INPP4B: variants seen among roughly 807,000 people sequenced by gnomAD.
The protein encoded by INPP4B is inositol polyphosphate-4-phosphatase type II B, also known as inositol polyphosphate 4-phosphatase type II.
Under a neutral mutation model 122.5 loss-of-function variants are expected in INPP4B, and 55 were observed. That is an observed-to-expected ratio of 0.45 (90% confidence interval 0.36 to 0.56). The LOEUF is 0.56. INPP4B is among the 20% of genes least tolerant of loss of function. INPP4B has a pLI of 0.00. For synonymous variants in INPP4B, 403 were observed against 388.7 expected, an observed-to-expected ratio of 1.04 and a Z score of -0.43; for missense variants, 1,000 against 1,097.7, an observed-to-expected ratio of 0.91 and a Z score of 1.26.
At chr4:142,842,952 A>C (rs1259172974) in intron 1 of INPP4B, among the ~76,000 whole-genome samples, 2 of 143,040 alleles carry the variant, frequency 1.4e-5, no homozygotes, top group Non-Finnish European at 3.0e-5. Context: ...ATAAATATAC[A>C]TATATAAATT....
chr4:142,270,577 C>T (rs1197287792), intron 10 of INPP4B, 86 bp downstream of exon 10: 3 of 896,092 alleles, frequency 3.3e-6, no homozygotes, highest in Non-Finnish European at 5.6e-6. Context: ...AGATTTCAAA[C>T]CCCACAGAGA....
At position 142,646,688 on chromosome 4, in the gene INPP4B, A is replaced by G. The variant is rs763814695; in HGVS notation, c.-191+79151T>C. Among the ~76,000 whole-genome samples, 4 of 152,230 alleles carry G rather than the reference A, an allele frequency of 2.6e-5. 1 individual carries two copies. Among genetic ancestry groups the G allele is most frequent in the Non-Finnish European group, 5.9e-5 (4 of 68,034 alleles). ...GCAGAACATGACAGGTTCAGGTAAC[A>G]GGAATTGCAACAAAGAAAAGTGCAA... On this transcript the variant is annotated intron_variant, in intron 2 of 25. Transcript: ENST00000262992.
At position 142,270,663 on chromosome 4, in the gene INPP4B, C is replaced by G; in HGVS notation, c.615G>C (p.Lys205Asn). Reference protein sequence around the residue: ...DHITTDVQGQKCALVCECTAP... With the variant: ...DHITTDVQGQNCALVCECTAP... The stretch of plus-strand genomic sequence containing the variant: ...TACAATGAGCAGACTGAGATCCTAC[C>G]TTTTGTCCCTGTACATCTGTGGTGA... The change falls in exon 10 of 26, where the codon AAG becomes AAC. Residue 205 changes from lysine to asparagine, a missense_variant and splice_region_variant. Transcript: ENST00000262992. The G allele has an allele frequency of 6.3e-7, 1 of 1,581,236 alleles. No homozygotes were observed.
At chr4:142,202,670 G>T in intron 14 of INPP4B, 2 of 907,286 alleles carry the variant, frequency 2.2e-6, no homozygotes, top group Non-Finnish European at 2.6e-6. Context: ...TGTTGGACCT[G>T]ATTTCACCTA....
At position 142,108,156 on chromosome 4, in the gene INPP4B, G is replaced by T; in HGVS notation, c.2311C>A (p.Gln771Lys). The change falls in exon 23 of 26, where the codon CAG becomes AAG. Residue 771 changes from glutamine to lysine, a missense_variant. Transcript: ENST00000262992. ...TCTTGTAGAAGTTCGAAGTTTTCCT[G>T]ATTAATACTTTCTTGCAAAGAGACA... ...GDVSLQESINQENFELLQEYY... is the reference protein window; with the variant it reads ...GDVSLQESINKENFELLQEYY... 6.2e-7 allele frequency: 1 copy of T among 1,600,410 alleles called. No individual in the cohort carries two copies. The highest frequency in any genetic ancestry group is 1.1e-5 in the South Asian group (1 of 90,454).
At chr4:142,644,997 G>A (rs955823091) in intron 2 of INPP4B, among the ~76,000 whole-genome samples, 1 of 151,064 alleles carries the variant, frequency 6.6e-6, no homozygotes, top group African/African-American at 2.4e-5. Flanking sequence ...AAAAGTACAT[G>A]TTAAGATCTG....
chr4:142,076,702 T>C (rs1199874940), intron 25 of INPP4B, among the ~76,000 whole-genome samples: 5 of 152,034 alleles, frequency 3.3e-5, no homozygotes, highest in African/African-American at 9.7e-5. Flanking sequence ...GTAACAAACC[T>C]GCACGTTGTG....
intron 1 of INPP4B, among the ~76,000 whole-genome samples, chr4:142,806,023 G>A (rs765136848): frequency 1.3e-4 from 20 of 152,118 alleles, no homozygotes; most frequent in Non-Finnish European, 2.8e-4. Flanking sequence ...GCTCACGCCT[G>A]TAATCCCAGA....
intron 14 of INPP4B, among the ~76,000 whole-genome samples, chr4:142,194,570 C>T (rs1261656018): frequency 1.3e-5 from 2 of 152,158 alleles, no homozygotes; most frequent in Non-Finnish European, 2.9e-5. Flanking sequence ...CTGAGGATCA[C>T]TACAAGCTAA....
intron 2 of INPP4B, chr4:142,654,491 G>T (rs1382355199): frequency 6.6e-6 from 1 of 151,760 alleles, no homozygotes; most frequent in Non-Finnish European, 1.5e-5. Flanking sequence ...TGATCTTAAG[G>T]ATAGTTACAA....
chr4:142,323,142 G>A lies in INPP4B; in HGVS notation c.373-8380C>T, dbSNP rs536202523. 5.3e-5 allele frequency among the ~76,000 whole-genome samples: 8 copies of A among 152,230 alleles called. No individual in the cohort carries two copies. The South Asian group carries it at 6.2e-4, about 12-fold the overall frequency. On this transcript the variant is annotated intron_variant, in intron 7 of 25. Transcript: ENST00000262992. ...AGGCCCTCAGACATTTTTAGGAAACGTTCCTTAAATTTTAGTGTGCATACT... is the reference window on the plus strand; with the variant it reads ...AGGCCCTCAGACATTTTTAGGAAACATTCCTTAAATTTTAGTGTGCATACT...
At chr4:142,602,428 A>G (rs1200936425) in intron 2 of INPP4B, among the ~76,000 whole-genome samples, 1 of 152,220 alleles carries the variant, frequency 6.6e-6, no homozygotes, top group Non-Finnish European at 1.5e-5. Context: ...ATTCAATGCT[A>G]TTCCCACGAA....
At chr4:142,333,010 CAAAAAAAAAAA>C (rs1158290884) in intron 7 of INPP4B, among the ~76,000 whole-genome samples, 1 of 43,442 alleles carries the variant, frequency 2.3e-5, no homozygotes, top group African/African-American at 7.2e-5. Context: ...GACTCCGTCT[CAAAAAAAAAAA>C]AAAAAACAAA....
intron 2 of INPP4B, among the ~76,000 whole-genome samples, chr4:142,475,198 G>A (rs1196122094): frequency 1.3e-5 from 2 of 152,092 alleles, no homozygotes; most frequent in Admixed American, 1.3e-4. Flanking sequence ...CCAAGACCCA[G>A]GAGTAGAATA....
chr4:142,684,749 A>G (rs1759106775), intron 2 of INPP4B, among the ~76,000 whole-genome samples: 1 of 152,074 alleles, frequency 6.6e-6, no homozygotes, highest in Admixed American at 6.6e-5. Flanking sequence ...CCATTTCAGA[A>G]TAAAATGAAG....
chr4:142,317,375 T>A (rs996292229), intron 7 of INPP4B: 8 of 325,288 alleles, frequency 2.5e-5, no homozygotes, highest in African/African-American at 1.1e-4. Flanking sequence ...TACATGCTTA[T>A]GATCAACATT....
At chr4:142,365,769 A>ATG (rs200240918) in intron 7 of INPP4B, among the ~76,000 whole-genome samples, 4 of 123,232 alleles carry the variant, frequency 3.2e-5, no homozygotes, top group East Asian at 6.9e-4. Flanking sequence ...AATTTTTACA[A>ATG]TTTTTTTTTC....
chr4:142,665,315 A>G (rs1755830288), intron 2 of INPP4B, among the ~76,000 whole-genome samples: 1 of 152,018 alleles, frequency 6.6e-6, no homozygotes. Context: ...ACACAGTGAA[A>G]CCCTGTCTCT....
chr4:142,698,545 A>G (rs367804597), intron 2 of INPP4B, among the ~76,000 whole-genome samples: 2 of 152,128 alleles, frequency 1.3e-5, no homozygotes, highest in African/African-American at 2.4e-5. Context: ...TCATTTCCTA[A>G]TTTTTCTAAC....
Sources: allele counts gnomAD v4.1 joint callset (sites outside exome capture counted in the v4.1 genomes callset), GRCh38; gene constraint gnomAD v4.1.1; transcripts MANE v1.5; gene names NCBI Gene and HGNC (gene_info 2026-07-23, HGNC 2026-07-21).